The following NRXN3 variants were observed in gnomAD, a reference collection of about 807,000 sequenced individuals.
The protein encoded by NRXN3 is neurexin III.
NRXN3 carries 32 observed loss-of-function variants against 137.6 expected under a neutral mutation model. That is an observed-to-expected ratio of 0.23 (90% CI 0.18 to 0.31). The LOEUF is 0.31. Ranked by LOEUF, NRXN3 falls within the 10% of genes least tolerant of loss-of-function variation. NRXN3 has a pLI of 1.00. For missense variants in NRXN3, 1,574 were observed against 2,062.5 expected, an observed-to-expected ratio of 0.76 and a Z score of 4.59; for synonymous variants, 798 against 784.5, an observed-to-expected ratio of 1.02 and a Z score of -0.29.
chr14:78,758,449 T>C (rs2098678606), intron 8 of NRXN3, among the ~76,000 whole-genome samples: 1 of 152,204 alleles, frequency 6.6e-6, no homozygotes, highest in Non-Finnish European at 1.5e-5. Flanking sequence ...ACTCCATTGC[T>C]TTATTGAAGA....
At chr14:78,439,334 G>A (rs550126344) in intron 4 of NRXN3, among the ~76,000 whole-genome samples, 3 of 152,176 alleles carry the variant, frequency 2.0e-5, no homozygotes, top group Non-Finnish European at 4.4e-5. Context: ...GTAAATCTAG[G>A]TTGTCTGTTT....
At chr14:78,467,919 T>TTTGTTG (rs3036567) in intron 4 of NRXN3, among the ~76,000 whole-genome samples, 5,551 of 150,720 alleles carry the variant, frequency 0.037, 334 homozygotes, top group African/African-American at 0.13. Context: ...TTATTATTGT[T>TTTGTTG]TTGTTGTTGT....
chr14:78,423,968 A>G (rs2093562247), intron 4 of NRXN3, among the ~76,000 whole-genome samples: 1 of 152,248 alleles, frequency 6.6e-6, no homozygotes, highest in South Asian at 2.1e-4. Context: ...GGGTCAGAGC[A>G]TCTTAAGTGA....
intron 16 of NRXN3, among the ~76,000 whole-genome samples, chr14:79,608,910 C>G (rs919473161): frequency 6.6e-6 from 1 of 151,928 alleles, no homozygotes; most frequent in Non-Finnish European, 1.5e-5. Context: ...AGACCCATTT[C>G]TAAGACCCAT....
chr14:78,188,498 G>A (rs370222432), intron 1 of NRXN3, among the ~76,000 whole-genome samples: 17 of 152,324 alleles, frequency 1.1e-4, no homozygotes, highest in Middle Eastern at 3.4e-3. Context: ...TATGTGCAAG[G>A]CTAGACAACC....
At chr14:79,016,001 G>A (rs921043167) in intron 15 of NRXN3, among the ~76,000 whole-genome samples, 1 of 152,076 alleles carries the variant, frequency 6.6e-6, no homozygotes, top group Non-Finnish European at 1.5e-5. Flanking sequence ...GACTGAAAGG[G>A]CCGTTTTTCT....
chr14:79,353,496 G>A (rs1312944906), intron 15 of NRXN3, among the ~76,000 whole-genome samples: 4 of 151,792 alleles, frequency 2.6e-5, no homozygotes, highest in Non-Finnish European at 4.4e-5. Context: ...TGAACTTTAG[G>A]AATCAAGGTT....
At chr14:79,272,153 A>G (rs1171732557) in intron 15 of NRXN3, among the ~76,000 whole-genome samples, 1 of 150,018 alleles carries the variant, frequency 6.7e-6, no homozygotes, top group Non-Finnish European at 1.5e-5. Flanking sequence ...TCTAGCACTT[A>G]TCACATTGTA....
At chr14:79,280,495 T>C in intron 15 of NRXN3, 1 of 1,613,684 alleles carries the variant, frequency 6.2e-7, no homozygotes, top group African/African-American at 1.3e-5. Flanking sequence ...ACTCAGTGCC[T>C]ATTTCTATCT....
At chr14:79,584,826 G>A (rs2097753198) in intron 16 of NRXN3, among the ~76,000 whole-genome samples, 1 of 152,140 alleles carries the variant, frequency 6.6e-6, no homozygotes, top group African/African-American at 2.4e-5. Flanking sequence ...CATGAGCTAA[G>A]GAATTCAGCA....
intron 10 of NRXN3, among the ~76,000 whole-genome samples, chr14:78,932,716 G>A (rs774817947): frequency 4.6e-5 from 7 of 152,170 alleles, no homozygotes; most frequent in Non-Finnish European, 1.0e-4. Flanking sequence ...AGCATAGAAT[G>A]CATGCCATTA....
chr14:79,809,877 C>T (rs1003957111), intron 20 of NRXN3, among the ~76,000 whole-genome samples: 1 of 152,122 alleles, frequency 6.6e-6, no homozygotes, highest in Admixed American at 6.5e-5. Flanking sequence ...CAAATAACCC[C>T]TAGGAAAAGG....
chr14:79,290,632 C>G (rs1193585302), intron 15 of NRXN3, among the ~76,000 whole-genome samples: 1 of 149,702 alleles, frequency 6.7e-6, no homozygotes, highest in Non-Finnish European at 1.5e-5. Context: ...TAAAGAGATT[C>G]CCCAGGCTGG....
intron 4 of NRXN3, among the ~76,000 whole-genome samples, chr14:78,403,492 C>A (rs1369640660): frequency 6.6e-6 from 1 of 152,172 alleles, no homozygotes; most frequent in Admixed American, 6.5e-5. Flanking sequence ...ATGACACAAT[C>A]TGCAGATTCA....
At chr14:79,215,180 G>T (rs1400795532) in intron 15 of NRXN3, among the ~76,000 whole-genome samples, 1 of 152,104 alleles carries the variant, frequency 6.6e-6, no homozygotes, top group African/African-American at 2.4e-5. Flanking sequence ...GCTCTATTTT[G>T]TAGTTATTGT....
At chr14:79,257,995 C>T (rs76781278) in intron 15 of NRXN3, among the ~76,000 whole-genome samples, 4,132 of 151,916 alleles carry the variant, frequency 0.027, 207 homozygotes, top group African/African-American at 0.093. Flanking sequence ...CTCTTTGAAT[C>T]CCAGTGGTAA....
chr14:78,897,154 G>A (rs990775530), intron 10 of NRXN3, among the ~76,000 whole-genome samples: 1 of 151,840 alleles, frequency 6.6e-6, no homozygotes, highest in Non-Finnish European at 1.5e-5. Context: ...AAATTTTACC[G>A]ATGTCAGGAT....
chr14:78,589,769 CA>C (rs2097099717), intron 4 of NRXN3, among the ~76,000 whole-genome samples: 1 of 152,096 alleles, frequency 6.6e-6, no homozygotes, highest in Non-Finnish European at 1.5e-5. Context: ...AATTGTGTCT[CA>C]GGGGCTGGGC....
Position 79,697,799 on chromosome 14 carries a change from G to C in NRXN3, c.3876G>C (p.Leu1292=), listed in dbSNP as rs753678138. The C allele has an allele frequency of 6.2e-7, 1 of 1,613,174 alleles. No individual in the cohort carries two copies. The highest frequency in any genetic ancestry group is 8.5e-7 in the Non-Finnish European group (1 of 1,179,472). Reference sequence around the variant, plus strand: ...TTAAAATCAATGGAAGTGTTCGGCTGGTTGGAGAAGTCCCATCAATTTTGG... The same window carrying C: ...TTAAAATCAATGGAAGTGTTCGGCTCGTTGGAGAAGTCCCATCAATTTTGG... ...PNIKINGSVR[L]VGEVPSILGT... Residue 1292 remains leucine (L), a synonymous_variant, in exon 19 of 21, where the codon CTG becomes CTC. Coordinates refer to ENST00000335750, the MANE Select transcript of NRXN3 (RefSeq NM_001330195.2).
Sources: gnomAD v4.1 joint callset for allele counts (sites outside exome capture counted in the v4.1 genomes callset) on GRCh38, gnomAD v4.1.1 for gene constraint, MANE v1.5 for transcripts, NCBI Gene and HGNC (gene_info 2026-07-23, HGNC 2026-07-21) for gene names.